The following KCNK2 variants were observed in gnomAD, a reference collection of about 807,000 sequenced individuals.
KCNK2 encodes the protein potassium two pore domain channel subfamily K member 2.
Under a neutral mutation model 40.5 loss-of-function variants are expected in KCNK2, and 21 were observed. The ratio of observed to expected loss-of-function variants is 0.52; its 90% CI spans 0.37 to 0.75. KCNK2 has a LOEUF of 0.75. Ranked by LOEUF, KCNK2 falls within the 30% of genes least tolerant of loss-of-function variation. The pLI is 0.00. For synonymous variants in KCNK2, 191 were observed against 202.2 expected (o/e 0.94, Z 0.47); for missense variants, 399 against 531.6 (o/e 0.75, Z 2.45).
At chr1:215,093,527 A>G (rs1485709047) in intron 2 of KCNK2, among the ~76,000 whole-genome samples, 1 of 113,602 alleles carries the variant, frequency 8.8e-6, no homozygotes, top group African/African-American at 3.6e-5. Flanking sequence ...GATATATATA[A>G]TATAGAATAT....
At chr1:215,137,253 A>G (rs1661965871) in intron 3 of KCNK2, among the ~76,000 whole-genome samples, 1 of 152,216 alleles carries the variant, frequency 6.6e-6, no homozygotes, top group African/African-American at 2.4e-5. Flanking sequence ...AAAACATTCA[A>G]ACTATTTAGG....
At chr1:215,165,774 T>C (rs953908700) in intron 3 of KCNK2, among the ~76,000 whole-genome samples, 3 of 152,100 alleles carry the variant, frequency 2.0e-5, no homozygotes, top group Admixed American at 2.0e-4. Flanking sequence ...AGGTTTTGTC[T>C]TGACTGATGT....
Position 215,007,049 on chromosome 1 carries a change from G to GTA in KCNK2, c.34+1104_34+1105dup, listed in dbSNP as rs1184311265. On this transcript the variant is annotated intron_variant, in intron 1 of 6. Transcript: ENST00000391895. Reference sequence around the variant, plus strand: ...TATATATATATATATGTGTGTGTGTGTATATATATATGTGTGTGTGTGTAT... The same window carrying GTA: ...TATATATATATATATGTGTGTGTGTGTATATATATATATGTGTGTGTGTGTAT... 1.2e-3 allele frequency among the ~76,000 whole-genome samples: 120 copies of GTA among 103,116 alleles called. 1 individual carries two copies. Among genetic ancestry groups the GTA allele is most frequent in the Non-Finnish European group, 1.8e-3 (95 of 51,804 alleles). 67.6% of individuals were successfully genotyped at this position (103,116 alleles called of 152,430 possible). A position where few individuals can be genotyped will look rare whatever the true frequency, so the allele number is the denominator to read the frequency against.
At position 215,230,601 on chromosome 1, in the gene KCNK2, A is replaced by C. The variant is rs1571757758; in HGVS notation, c.964-4227A>C. 2.7e-5 allele frequency among the ~76,000 whole-genome samples: 4 copies of C among 146,554 alleles called. No individual in the cohort carries two copies. The South Asian group carries it at 6.4e-4, about 23-fold the overall frequency. ...ACAAGACCGTAATATATATATATAT[A>C]TATATAGCCGTATATATATATCTTA... On this transcript the variant is annotated intron_variant, in intron 6 of 6. Coordinates refer to ENST00000444842, the MANE Select transcript of KCNK2 (RefSeq NM_001017425.3).
intron 2 of KCNK2, among the ~76,000 whole-genome samples, chr1:215,122,893 C>T (rs143403123): frequency 0.013 from 2,008 of 151,720 alleles, 43 homozygotes; most frequent in African/African-American, 0.044. Context: ...TACAGGCGCC[C>T]GCTACCACGC....
intron 1 of KCNK2, among the ~76,000 whole-genome samples, chr1:215,025,457 C>T (rs1005265274): frequency 6.6e-6 from 1 of 151,986 alleles, no homozygotes; most frequent in African/African-American, 2.4e-5. Flanking sequence ...ACCTCTCCTA[C>T]ACCACTTACT....
intron 3 of KCNK2, among the ~76,000 whole-genome samples, chr1:215,153,258 T>G (rs1662764887): frequency 1.3e-5 from 2 of 152,164 alleles, no homozygotes; most frequent in Non-Finnish European, 2.9e-5. Flanking sequence ...TATGTGGGGT[T>G]TGTCAATTTA....
At chr1:215,161,374 AC>A (rs1379360377) in intron 3 of KCNK2, among the ~76,000 whole-genome samples, 2 of 150,894 alleles carry the variant, frequency 1.3e-5, no homozygotes, top group East Asian at 3.9e-4. Context: ...TATTTCTGCT[AC>A]TTGGGAAACT....
chr1:215,191,121 C>T (rs1191656830), intron 5 of KCNK2, among the ~76,000 whole-genome samples: 1 of 151,746 alleles, frequency 6.6e-6, no homozygotes, highest in Non-Finnish European at 1.5e-5. Flanking sequence ...CCTGTCTCTA[C>T]TAAAAATACA....
At chr1:215,051,496 C>T (rs1195783289) in intron 1 of KCNK2, among the ~76,000 whole-genome samples, 2 of 152,082 alleles carry the variant, frequency 1.3e-5, no homozygotes, top group Non-Finnish European at 2.9e-5. Context: ...CATACCTAGC[C>T]ATTAGAGCCA....
chr1:215,228,006 T>C (rs1339176741), intron 6 of KCNK2, among the ~76,000 whole-genome samples: 1 of 151,750 alleles, frequency 6.6e-6, no homozygotes, highest in Non-Finnish European at 1.5e-5. Context: ...GGACATAAGT[T>C]TGAGATGCCT....
intron 1 of KCNK2, among the ~76,000 whole-genome samples, chr1:215,049,721 A>G (rs1039937173): frequency 5.3e-5 from 8 of 152,144 alleles, no homozygotes; most frequent in Non-Finnish European, 8.8e-5. Flanking sequence ...TTTTTAGCCA[A>G]TGAAAGTCCA....
At chr1:215,176,344 T>C (rs1663970972) in intron 5 of KCNK2, among the ~76,000 whole-genome samples, 1 of 152,120 alleles carries the variant, frequency 6.6e-6, no homozygotes, top group African/African-American at 2.4e-5. Context: ...TTCTTCAACT[T>C]TTATTTTAAG....
rs1553267720 is a variant in KCNK2, at chr1:215,148,080, C to CTTTCTTTTTTTTTTTTTTTTT, written c.476-21116_476-21115insCTTTTTTTTTTTTTTTTTTTT. ...ATTATTATTTTTTTATTTTCTTTTC[C>CTTTCTTTTTTTTTTTTTTTTT]TTTTTTTTTTTTTTTTTTGGCAGGG... On this transcript the variant is annotated intron_variant, in intron 3 of 6. Transcript: ENST00000444842. Among the ~76,000 whole-genome samples the CTTTCTTTTTTTTTTTTTTTTT allele has an allele frequency of 1.8e-5, 2 of 111,180 alleles. 1 individual carries two copies. 72.9% of individuals were successfully genotyped at this position (111,180 alleles called of 152,430 possible).
At chr1:215,058,662 C>A (rs965905465) in intron 1 of KCNK2, among the ~76,000 whole-genome samples, 1 of 152,070 alleles carries the variant, frequency 6.6e-6, no homozygotes, top group African/African-American at 2.4e-5. Flanking sequence ...AAATCCAAAC[C>A]CTTTCTCCTT....
chr1:215,077,676 C>T (rs568052101), intron 1 of KCNK2, among the ~76,000 whole-genome samples: 1 of 152,078 alleles, frequency 6.6e-6, no homozygotes, highest in Admixed American at 6.5e-5. Flanking sequence ...ACCACCAAGC[C>T]TCACTCTCTG....
At chr1:215,167,062 G>C (rs1663478688) in intron 3 of KCNK2, among the ~76,000 whole-genome samples, 1 of 152,142 alleles carries the variant, frequency 6.6e-6, no homozygotes, top group African/African-American at 2.4e-5. Flanking sequence ...TTGACTAACT[G>C]TTTGAGTAGG....
At chr1:215,116,860 G>GT (rs1660966625) in intron 2 of KCNK2, among the ~76,000 whole-genome samples, 1 of 146,974 alleles carries the variant, frequency 6.8e-6, no homozygotes, top group African/African-American at 2.5e-5. Context: ...AAAATATGCT[G>GT]GGGGGGGAAC....
At chr1:215,081,722 CA>C (rs1659162452), upstream of KCNK2, 1 of 152,028 alleles carries the variant, frequency 6.6e-6, no homozygotes, top group Non-Finnish European at 1.5e-5. Context: ...TGGAGGTCAT[CA>C]GGGGATTCCC....
Sources: allele counts gnomAD v4.1 joint callset (sites outside exome capture counted in the v4.1 genomes callset), GRCh38; gene constraint gnomAD v4.1.1; transcripts MANE v1.5; gene names NCBI Gene and HGNC (gene_info 2026-07-23, HGNC 2026-07-21).